MBP: variants seen among roughly 807,000 people sequenced by gnomAD.
MBP encodes the protein myelin basic protein.
A neutral mutation model predicts 35.8 loss-of-function variants in MBP; 16 were observed. That is an observed-to-expected ratio of 0.45 (90% CI 0.30 to 0.68). The LOEUF is 0.68. Ranked by LOEUF, MBP falls within the 30% of genes least tolerant of loss-of-function variation. The probability of loss-of-function intolerance (pLI) is 0.08; values close to 1 mark genes in which losing one functional copy is unlikely to be tolerated. For missense variants in MBP, 380 were observed against 404.7 expected, an observed-to-expected ratio of 0.94 and a Z score of 0.52; for synonymous variants, 143 against 159.6, an observed-to-expected ratio of 0.90 and a Z score of 0.78.
At chr18:77,077,621 G>A (rs1258564132) in intron 2 of MBP, among the ~76,000 whole-genome samples, 2 of 152,140 alleles carry the variant, frequency 1.3e-5, no homozygotes, top group East Asian at 3.9e-4. Context: ...ATTTAAGTCC[G>A]TGACTCCTCG....
intron 4 of MBP, chr18:77,009,876 G>C: frequency 6.3e-7 from 1 of 1,594,408 alleles, no homozygotes; most frequent in South Asian, 1.1e-5. Flanking sequence ...GCCCAGGCTG[G>C]CTGCGGGCAT....
In MBP at chr18:77,044,337, T is replaced by C. The variant is rs1973135418; in HGVS notation, c.139+21961A>G. On this transcript the variant is annotated intron_variant, in intron 3 of 8. Coordinates refer to ENST00000355994, the MANE Select transcript of MBP (RefSeq NM_001025101.2). This position sits in a 1 kb window ranked among gnomAD's most constrained non-coding sequence, Gnocchi z 4.4. ...CTTCAACTGTCCTCCAAGCTTCAGG[T>C]CCACCGTGACCTCCCCCAACTCTGC... is the stretch of plus-strand genomic sequence containing the variant. Among the ~76,000 whole-genome samples, 1 of 152,018 alleles carries C rather than the reference T, an allele frequency of 6.6e-6. No homozygotes were observed. The highest frequency in any genetic ancestry group is 6.6e-5 in the Admixed American group (1 of 15,264).
chr18:77,005,419 G>T (rs184518096), intron 4 of MBP: 39 of 152,248 alleles, frequency 2.6e-4, no homozygotes, highest in African/African-American at 8.9e-4. Flanking sequence ...CGGGAAGCAG[G>T]GTCTCTGTTC....
intron 7 of MBP, chr18:76,985,209 C>A (rs748136676): frequency 9.9e-6 from 14 of 1,418,882 alleles, no homozygotes; most frequent in African/African-American, 1.4e-5. Flanking sequence ...CTTACCTTCA[C>A]GCTGTGGGGT....
At chr18:77,122,925 C>T (rs1343944907) in intron 1 of MBP, among the ~76,000 whole-genome samples, 1 of 152,226 alleles carries the variant, frequency 6.6e-6, no homozygotes, top group African/African-American at 2.4e-5. Flanking sequence ...AGCACAACCC[C>T]CTTCTTTAGA....
chr18:77,011,326 G>A (rs1006456076), intron 4 of MBP, among the ~76,000 whole-genome samples: 1 of 152,238 alleles, frequency 6.6e-6, no homozygotes, highest in African/African-American at 2.4e-5. Context: ...ACTCCCATCA[G>A]CTGGTGTCCA....
chr18:77,132,201 T>A (rs981020301), intron 1 of MBP, among the ~76,000 whole-genome samples: 1 of 151,462 alleles, frequency 6.6e-6, no homozygotes, highest in Admixed American at 6.6e-5. Flanking sequence ...TCAGCGACCC[T>A]GGGACCGCCG....
chr18:77,077,799 A>C (rs148679939), intron 2 of MBP, among the ~76,000 whole-genome samples: 19 of 152,200 alleles, frequency 1.2e-4, no homozygotes, highest in African/African-American at 4.6e-4. Flanking sequence ...AAAACTAACA[A>C]TTTTCTTTGG....
intron 3 of MBP, among the ~76,000 whole-genome samples, chr18:77,047,820 A>T (rs1053906297): frequency 6.6e-6 from 1 of 152,188 alleles, no homozygotes; most frequent in African/African-American, 2.4e-5. Flanking sequence ...TTTAATTCCA[A>T]ATGCTAGCAA....
chr18:77,123,609 T>G (rs1284540956), intron 1 of MBP, among the ~76,000 whole-genome samples: 3 of 152,152 alleles, frequency 2.0e-5, no homozygotes, highest in Admixed American at 6.5e-5. Flanking sequence ...ACCCCAAGAC[T>G]GTGGGGTGGT....
intron 2 of MBP, among the ~76,000 whole-genome samples, chr18:77,078,806 G>T (rs990066449): frequency 2.6e-5 from 4 of 152,222 alleles, no homozygotes; most frequent in African/African-American, 9.6e-5. Context: ...CTGGGGTCGG[G>T]TGGACTCCAC....
chr18:77,005,760 C>T (rs530751425), intron 4 of MBP: 1 of 152,646 alleles, frequency 6.6e-6, no homozygotes, highest in African/African-American at 2.4e-5. Flanking sequence ...GCCAGCAGGG[C>T]TTTTAGAGCC....
intron 3 of MBP, among the ~76,000 whole-genome samples, chr18:77,049,483 C>A (rs943856327): frequency 1.8e-4 from 28 of 152,162 alleles, no homozygotes; most frequent in Non-Finnish European, 3.5e-4. Flanking sequence ...GAAATGGGAC[C>A]CGGAAGATTT....
intron 4 of MBP, chr18:77,015,681 C>T: frequency 1.0e-6 from 1 of 985,428 alleles, no homozygotes; most frequent in South Asian, 4.7e-5. Flanking sequence ...TTCACGCCCA[C>T]AGGAAAGGTA....
At chr18:77,089,797 G>A (rs1444852034) in intron 2 of MBP, among the ~76,000 whole-genome samples, 1 of 152,208 alleles carries the variant, frequency 6.6e-6, no homozygotes, top group Non-Finnish European at 1.5e-5. Flanking sequence ...TGGTGCATCT[G>A]CCTGAAATAT....
chr18:77,003,647 A>G (rs145660974), intron 4 of MBP: 10 of 152,352 alleles, frequency 6.6e-5, no homozygotes, highest in African/African-American at 2.4e-4. Context: ...TTCTTGTGAA[A>G]GTGATAATAT....
intron 1 of MBP, among the ~76,000 whole-genome samples, chr18:77,124,545 G>A (rs1283349042): frequency 6.6e-6 from 1 of 152,102 alleles, no homozygotes; most frequent in Non-Finnish European, 1.5e-5. Flanking sequence ...GGTTGGACGC[G>A]GGGCAGCTGG....
At position 77,132,769 on chromosome 18, in the gene MBP, G is replaced by GCGGCGGCGGTGACTGA. The variant is rs1231282119; in HGVS notation, c.-216_-215insTCAGTCACCGCCGCCG. On this transcript the variant is annotated 5_prime_UTR_variant, in exon 1 of 9. Coordinates refer to ENST00000355994, the MANE Select transcript of MBP (RefSeq NM_001025101.2). ...GCCGGAGGCTGCTTCTCTCTGGCGC[G>GCGGCGGCGGTGACTGA]CGGCGGCGGTGACTGACGGCGGCGG... 1 of 152,110 alleles carries GCGGCGGCGGTGACTGA rather than the reference G, an allele frequency of 6.6e-6. No individual in the cohort carries two copies. Among genetic ancestry groups the GCGGCGGCGGTGACTGA allele is most frequent in the African/African-American group, 2.4e-5 (1 of 41,386 alleles). The allele number at this position is 152,110 out of a possible 1,614,324, so 9.4% of individuals were successfully genotyped here. A position where few individuals can be genotyped will look rare whatever the true frequency, so the allele number is the denominator to read the frequency against.
chr18:77,003,705 A>G (rs547880510), intron 4 of MBP: 2 of 152,348 alleles, frequency 1.3e-5, no homozygotes, highest in African/African-American at 4.8e-5. Context: ...ATGTAGTTCT[A>G]GATGAAATAG....
Sources: gnomAD v4.1 joint callset for allele counts (sites outside exome capture counted in the v4.1 genomes callset) on GRCh38, gnomAD v4.1.1 for gene constraint, Gnocchi (gnomAD v3.1) non-coding constraint, MANE v1.5 for transcripts, NCBI Gene and HGNC (gene_info 2026-07-23, HGNC 2026-07-21) for gene names.